Variants in TFDP2 observed in about 807,000 individuals in gnomAD.
The protein encoded by TFDP2 is transcription factor Dp-2, also known as transcription factor Dp-2 (E2F dimerization partner 2).
TFDP2 carries 17 observed loss-of-function variants against 59.3 expected under a neutral mutation model. The ratio of observed to expected loss-of-function variants is 0.29; its 90% CI spans 0.20 to 0.43. The LOEUF (loss-of-function observed/expected upper bound fraction) is 0.43, where lower values mean the gene tolerates loss of function less well. Ranked by LOEUF, TFDP2 falls within the 20% of genes least tolerant of loss-of-function variation. The pLI is 1.00. For missense variants in TFDP2, 391 were observed against 528.8 expected, an observed-to-expected ratio of 0.74 and a Z score of 2.56; for synonymous variants, 180 against 194.7, an observed-to-expected ratio of 0.92 and a Z score of 0.63.
Position 141,965,990 on chromosome 3 carries a change from T to C in TFDP2, c.733-2027A>G, listed in dbSNP as rs1207423301. Among the ~76,000 whole-genome samples the C allele has an allele frequency of 3.4e-5, 5 of 148,542 alleles. 1 individual carries two copies. The highest frequency in any genetic ancestry group is 9.7e-5 in the African/African-American group (4 of 41,078). On this transcript the variant is annotated intron_variant, in intron 9 of 12. Coordinates refer to ENST00000489671, the MANE Select transcript of TFDP2 (RefSeq NM_001178139.2). Reference sequence around the variant, plus strand: ...CATCTCAAGAGCTGTTCCTACACTTTGCCTAACTTGGTGTCTGTCCCTAGT... The same window carrying C: ...CATCTCAAGAGCTGTTCCTACACTTCGCCTAACTTGGTGTCTGTCCCTAGT...
At chr3:142,100,633 A>G (rs917476451) in intron 2 of TFDP2, among the ~76,000 whole-genome samples, 4 of 152,108 alleles carry the variant, frequency 2.6e-5, no homozygotes, top group African/African-American at 9.7e-5. Flanking sequence ...TTGGCCTCCC[A>G]AAGTGCTGGG....
intron 1 of TFDP2, among the ~76,000 whole-genome samples, chr3:142,132,976 C>A (rs930275859): frequency 5.4e-5 from 8 of 149,052 alleles, no homozygotes; most frequent in African/African-American, 2.1e-4. Flanking sequence ...ACTAACAAAC[C>A]ATTTTATGGA....
At chr3:142,010,563 C>T (rs1322851559) in intron 3 of TFDP2, among the ~76,000 whole-genome samples, 8 of 144,450 alleles carry the variant, frequency 5.5e-5, no homozygotes, top group African/African-American at 1.0e-4. Flanking sequence ...GAGCCAAGAT[C>T]GCGCTAATGA....
intron 1 of TFDP2, among the ~76,000 whole-genome samples, chr3:142,142,541 C>T (rs2062996635): frequency 6.6e-6 from 1 of 152,158 alleles, no homozygotes; most frequent in Admixed American, 6.5e-5. Flanking sequence ...AAGCAATCTA[C>T]AGATTCAAGG....
chr3:142,076,786 C>T (rs1366319146), intron 3 of TFDP2, among the ~76,000 whole-genome samples: 1 of 152,128 alleles, frequency 6.6e-6, no homozygotes, highest in Non-Finnish European at 1.5e-5. Flanking sequence ...GGGAATGAAG[C>T]AAGATGGCCA....
chr3:142,088,895 T>G (rs1352400355), intron 3 of TFDP2, among the ~76,000 whole-genome samples: 1 of 151,994 alleles, frequency 6.6e-6, no homozygotes, highest in Admixed American at 6.5e-5. Context: ...TGACGTGATC[T>G]TGGCTCACTA....
At chr3:142,103,265 A>C (rs541161387) in intron 1 of TFDP2, among the ~76,000 whole-genome samples, 4 of 151,924 alleles carry the variant, frequency 2.6e-5, no homozygotes, top group African/African-American at 4.8e-5. Context: ...TAAAAAATTT[A>C]AAAAAAGACT....
chr3:142,077,073 A>G (rs2060483166), intron 3 of TFDP2, among the ~76,000 whole-genome samples: 1 of 152,096 alleles, frequency 6.6e-6, no homozygotes, highest in South Asian at 2.1e-4. Flanking sequence ...GGGACTCTGT[A>G]TTGGAACTCA....
At chr3:141,994,912 TTTG>T in intron 5 of TFDP2, 105 bp downstream of exon 5, 1 of 939,320 alleles carries the variant, frequency 1.1e-6, no homozygotes. Context: ...AGGAAAAACA[TTTG>T]TTTTTAAGAA....
chr3:142,041,931 C>T (rs1946993215), intron 3 of TFDP2, among the ~76,000 whole-genome samples: 1 of 152,172 alleles, frequency 6.6e-6, no homozygotes, highest in Non-Finnish European at 1.5e-5. Flanking sequence ...TTCCATTAAA[C>T]TGTCTTTGCT....
chr3:142,050,423 C>T (rs976907079), intron 3 of TFDP2, among the ~76,000 whole-genome samples: 9 of 151,690 alleles, frequency 5.9e-5, no homozygotes, highest in African/African-American at 1.5e-4. Context: ...TGGCGGGACA[C>T]GGTGGCTCAC....
chr3:142,103,125 C>T, intron 1 of TFDP2, among the ~76,000 whole-genome samples: 1 of 151,904 alleles, frequency 6.6e-6, no homozygotes, highest in Non-Finnish European at 1.5e-5. Flanking sequence ...GTAGTCCTGG[C>T]TACTTGGGAG....
Position 141,950,927 on chromosome 3 carries a change from A to T in TFDP2, c.*1586T>A, listed in dbSNP as rs1313873523. On this transcript the variant is annotated 3_prime_UTR_variant, in exon 13 of 13. Transcript: ENST00000489671. ...GAAACTTTTGTATCAAAGGAGCTTCAGCTAAAGTTGAATGTTTTTCTTTCT... is the reference window on the plus strand; with the variant it reads ...GAAACTTTTGTATCAAAGGAGCTTCTGCTAAAGTTGAATGTTTTTCTTTCT... 1 of 152,232 alleles carries T rather than the reference A, an allele frequency of 6.6e-6. No homozygotes were observed. The highest frequency in any genetic ancestry group is 2.4e-5 in the African/African-American group (1 of 41,456). 9.4% of individuals were successfully genotyped at this position (152,232 alleles called of 1,614,324 possible). A position where few individuals can be genotyped will look rare whatever the true frequency, so the allele number is the denominator to read the frequency against.
chr3:141,960,665 A>G (rs1455429080), intron 10 of TFDP2, among the ~76,000 whole-genome samples: 1 of 152,252 alleles, frequency 6.6e-6, no homozygotes, highest in Non-Finnish European at 1.5e-5. Flanking sequence ...AGATTATCTT[A>G]GAAGCAAAAA....
At chr3:142,049,380 C>T (rs1163627587) in intron 3 of TFDP2, among the ~76,000 whole-genome samples, 1 of 152,140 alleles carries the variant, frequency 6.6e-6, no homozygotes, top group African/African-American at 2.4e-5. Context: ...CTATCATCTT[C>T]AATAGATGCA....
intron 7 of TFDP2, among the ~76,000 whole-genome samples, chr3:141,975,408 A>G (rs1296738742): frequency 6.6e-6 from 1 of 151,946 alleles, no homozygotes; most frequent in Non-Finnish European, 1.5e-5. Flanking sequence ...AATCTTGACA[A>G]TGGGCCAGGA....
intron 3 of TFDP2, among the ~76,000 whole-genome samples, chr3:142,007,344 C>T (rs557713034): frequency 1.3e-4 from 20 of 152,282 alleles, no homozygotes; most frequent in Middle Eastern, 3.4e-3. Flanking sequence ...CCCTCTTATA[C>T]GATCATCGAA....
intron 3 of TFDP2, among the ~76,000 whole-genome samples, chr3:142,019,152 C>T (rs1256247079): frequency 6.6e-6 from 1 of 151,866 alleles, no homozygotes; most frequent in African/African-American, 2.4e-5. Context: ...GCATCCTCCG[C>T]CTCCCAGGTT....
At chr3:142,048,955 TAGCATCTATCTTGAAG>T (rs1947477945) in intron 3 of TFDP2, among the ~76,000 whole-genome samples, 1 of 152,190 alleles carries the variant, frequency 6.6e-6, no homozygotes, top group Non-Finnish European at 1.5e-5. Flanking sequence ...GGCATCATAA[TAGCATCTATCTTGAAG>T]AAGGTTCTGA....
Sources: gnomAD v4.1 joint callset for allele counts (sites outside exome capture counted in the v4.1 genomes callset) on GRCh38, gnomAD v4.1.1 for gene constraint, MANE v1.5 for transcripts, NCBI Gene and HGNC (gene_info 2026-07-23, HGNC 2026-07-21) for gene names.